TTC28: variants seen among roughly 807,000 people sequenced by gnomAD.
TTC28 encodes the protein tetratricopeptide repeat domain 28, also known as tetratricopeptide repeat protein 28.
A neutral mutation model predicts 198.0 loss-of-function variants in TTC28; 61 were observed. The observed-to-expected ratio is 0.31, with a 90% confidence interval of 0.25 to 0.38. The LOEUF (loss-of-function observed/expected upper bound fraction) is 0.38, where lower values mean the gene tolerates loss of function less well. Ranked by LOEUF, TTC28 falls within the 10% of genes least tolerant of loss-of-function variation. The pLI is 1.00. For synonymous variants in TTC28, 1,171 were observed against 1,297.8 expected (o/e 0.90, Z 2.10); for missense variants, 2,678 against 3,164.0 (o/e 0.85, Z 3.69).
chr22:28,447,670 T>C (rs2047722796), intron 2 of TTC28, among the ~76,000 whole-genome samples: 1 of 152,180 alleles, frequency 6.6e-6, no homozygotes, highest in Non-Finnish European at 1.5e-5. Flanking sequence ...CTGGACTTAA[T>C]AAAGTTATTT....
chr22:28,254,043 G>A (rs1009623320), intron 5 of TTC28, among the ~76,000 whole-genome samples: 72 of 151,436 alleles, frequency 4.8e-4, no homozygotes, highest in African/African-American at 1.6e-3. Context: ...GGCGGAGGTT[G>A]CAGTGAGCCG....
At chr22:28,276,673 A>T (rs1214092496) in intron 5 of TTC28, among the ~76,000 whole-genome samples, 1 of 152,164 alleles carries the variant, frequency 6.6e-6, no homozygotes, top group African/African-American at 2.4e-5. Flanking sequence ...TAAATACTTT[A>T]TCACAGATTA....
chr22:28,574,186 G>A (rs2050108168), intron 2 of TTC28, among the ~76,000 whole-genome samples: 1 of 151,952 alleles, frequency 6.6e-6, no homozygotes, highest in Non-Finnish European at 1.5e-5. Flanking sequence ...GCTAACTTTT[G>A]TATTTTTTTG....
Position 28,040,144 on chromosome 22 carries a change from A to T in TTC28, c.3933-9778T>A, listed in dbSNP as rs561590025. Among the ~76,000 whole-genome samples, 17 of 152,330 alleles carry T rather than the reference A, an allele frequency of 1.1e-4. No individual in the cohort carries two copies. The South Asian group carries it at 3.3e-3, about 30-fold the overall frequency. On this transcript the variant is annotated intron_variant, in intron 12 of 22. Transcript: ENST00000397906. ...CAGGACCAGACAGATTCACAGCCAAATTCTACCAGCAGTACAAAGAGGAGC... is the reference window on the plus strand; with the variant it reads ...CAGGACCAGACAGATTCACAGCCAATTTCTACCAGCAGTACAAAGAGGAGC...
chr22:28,525,140 C>A (rs1351655398), intron 2 of TTC28, among the ~76,000 whole-genome samples: 1 of 151,994 alleles, frequency 6.6e-6, no homozygotes, highest in East Asian at 1.9e-4. Context: ...TTCTTTTAAT[C>A]CAAAGTTTGG....
At chr22:28,306,029 T>C (rs1390746148) in intron 3 of TTC28, among the ~76,000 whole-genome samples, 3 of 152,204 alleles carry the variant, frequency 2.0e-5, no homozygotes, top group South Asian at 4.1e-4. Context: ...AGACACAGCC[T>C]ACAATTAGAT....
intron 2 of TTC28, among the ~76,000 whole-genome samples, chr22:28,316,739 G>C (rs2045358326): frequency 6.6e-6 from 1 of 151,912 alleles, no homozygotes; most frequent in Non-Finnish European, 1.5e-5. Flanking sequence ...GTTGTTCCTT[G>C]CCAGTATGAA....
At chr22:28,088,336 C>G (rs1048685727) in intron 12 of TTC28, among the ~76,000 whole-genome samples, 1 of 152,100 alleles carries the variant, frequency 6.6e-6, no homozygotes. Flanking sequence ...TGGAACAGAA[C>G]AGAGCCCTCA....
chr22:28,317,056 G>A (rs1458507973), intron 2 of TTC28, among the ~76,000 whole-genome samples: 1 of 152,088 alleles, frequency 6.6e-6, no homozygotes, highest in Non-Finnish European at 1.5e-5. Flanking sequence ...TTATAGGCTT[G>A]AGCCACTGCA....
chr22:28,451,663 T>C (rs2047779705), intron 2 of TTC28, among the ~76,000 whole-genome samples: 1 of 152,202 alleles, frequency 6.6e-6, no homozygotes, highest in African/African-American at 2.4e-5. Flanking sequence ...CTATCAACAA[T>C]GTTAAGTGAG....
intron 2 of TTC28, among the ~76,000 whole-genome samples, chr22:28,588,789 A>C (rs1057226483): frequency 6.6e-6 from 1 of 152,180 alleles, no homozygotes; most frequent in Non-Finnish European, 1.5e-5. Context: ...AACCATCAGA[A>C]TCTCGAGTAC....
chr22:28,052,284 C>T (rs9608663), intron 12 of TTC28, among the ~76,000 whole-genome samples: 8,982 of 152,184 alleles, frequency 0.059, 395 homozygotes, highest in Admixed American at 0.13. Context: ...GACAGCAGTG[C>T]CATATAGTGA....
At chr22:28,489,690 G>A (rs2048351373) in intron 2 of TTC28, among the ~76,000 whole-genome samples, 1 of 152,142 alleles carries the variant, frequency 6.6e-6, no homozygotes, top group South Asian at 2.1e-4. Flanking sequence ...GGAGGCTGGG[G>A]TGGGAGGACT....
chr22:28,563,317 TGAGGA>T (rs536319212), intron 2 of TTC28, among the ~76,000 whole-genome samples: 40 of 152,302 alleles, frequency 2.6e-4, no homozygotes, highest in African/African-American at 9.1e-4. Context: ...CTGATTGACT[TGAGGA>T]AAGAGAAATT....
intron 5 of TTC28, among the ~76,000 whole-genome samples, chr22:28,214,544 A>T (rs1047586500): frequency 2.6e-5 from 4 of 152,220 alleles, no homozygotes; most frequent in African/African-American, 7.2e-5. Flanking sequence ...CTCATCATCA[A>T]TGGCCATCAA....
chr22:28,293,935 G>C (rs1350591461), intron 5 of TTC28, among the ~76,000 whole-genome samples: 2 of 152,114 alleles, frequency 1.3e-5, no homozygotes, highest in African/African-American at 4.8e-5. Flanking sequence ...ACCCAAATGG[G>C]CCACTGTGAA....
At position 28,215,296 on chromosome 22, in the gene TTC28, T is replaced by G. The variant is rs182226020; in HGVS notation, c.934-51697A>C. On this transcript the variant is annotated intron_variant, in intron 5 of 22. Coordinates refer to ENST00000397906, the MANE Select transcript of TTC28 (RefSeq NM_001145418.2). The stretch of plus-strand genomic sequence containing the variant: ...TAAAGTATAATAATAAATAAATAAA[T>G]AAAGAAGACTGGATCAGATGGTCTG... Among the ~76,000 whole-genome samples the G allele has an allele frequency of 6.4e-4, 97 of 152,176 alleles. 1 individual carries two copies. The highest frequency in any genetic ancestry group is 1.0e-3 in the South Asian group (5 of 4,828).
At chr22:28,362,466 G>T (rs1037718099) in intron 2 of TTC28, among the ~76,000 whole-genome samples, 1 of 152,154 alleles carries the variant, frequency 6.6e-6, no homozygotes, top group African/African-American at 2.4e-5. Context: ...CATGAAAATG[G>T]ACTACTGCAG....
intron 5 of TTC28, among the ~76,000 whole-genome samples, chr22:28,281,045 A>G (rs2044573635): frequency 6.6e-6 from 1 of 152,162 alleles, no homozygotes; most frequent in Non-Finnish European, 1.5e-5. Context: ...ATTGGTTTAT[A>G]GTAGAATATA....
Sources: gnomAD v4.1 joint callset for allele counts (sites outside exome capture counted in the v4.1 genomes callset) on GRCh38, gnomAD v4.1.1 for gene constraint, MANE v1.5 for transcripts, NCBI Gene and HGNC (gene_info 2026-07-23, HGNC 2026-07-21) for gene names.